The following CD302 variants were observed in gnomAD, a reference collection of about 807,000 sequenced individuals.
The protein encoded by CD302 is CD302 antigen.
A neutral mutation model predicts 26.5 loss-of-function variants in CD302; 23 were observed. The ratio of observed to expected loss-of-function variants is 0.87; its 90% CI spans 0.62 to 1.23. The LOEUF is 1.23. CD302 is among the 50% of genes most tolerant of loss of function. The pLI, the probability that CD302 is intolerant of heterozygous loss-of-function variation, is 0.00. For synonymous variants in CD302, 90 were observed against 99.4 expected, an observed-to-expected ratio of 0.91 and a Z score of 0.56; for missense variants, 290 against 275.5, an observed-to-expected ratio of 1.05 and a Z score of -0.37.
intron 1 of CD302, among the ~76,000 whole-genome samples, chr2:159,784,972 CTTTT>C (rs35915930): frequency 1.8e-5 from 2 of 111,726 alleles, no homozygotes; most frequent in Non-Finnish European, 1.8e-5. Flanking sequence ...TCCGTACAGA[CTTTT>C]TTTTTTTTTT....
chr2:159,783,087 A>T (rs906787595), intron 2 of CD302, among the ~76,000 whole-genome samples: 2 of 152,258 alleles, frequency 1.3e-5, no homozygotes, highest in African/African-American at 4.8e-5. Context: ...GGTAAAGTAT[A>T]TGAGGTGCTT....
At chr2:159,797,424 A>C (rs2125820430) in intron 1 of CD302, among the ~76,000 whole-genome samples, 1 of 152,334 alleles carries the variant, frequency 6.6e-6, no homozygotes, top group Non-Finnish European at 1.5e-5. Flanking sequence ...TTAAAAATAA[A>C]GACCACGGTC....
chr2:159,775,383 T>C (rs1457653314), intron 5 of CD302, among the ~76,000 whole-genome samples: 1 of 152,246 alleles, frequency 6.6e-6, no homozygotes, highest in Non-Finnish European at 1.5e-5. Flanking sequence ...AACTATTCGT[T>C]TTTGAAGCCA....
At chr2:159,779,316 GT>G (rs1454144356) in intron 4 of CD302, among the ~76,000 whole-genome samples, 1 of 146,224 alleles carries the variant, frequency 6.8e-6, no homozygotes, top group African/African-American at 2.5e-5. Context: ...CTATGATGTA[GT>G]TTTTGTTTGC....
intron 5 of CD302, among the ~76,000 whole-genome samples, chr2:159,775,370 T>C (rs1303511544): frequency 1.3e-5 from 2 of 152,244 alleles, no homozygotes; most frequent in African/African-American, 4.8e-5. Context: ...TGCCAGATCT[T>C]TCAACTATTC....
At chr2:159,776,643 ATAGTTC>A (rs2125795399) in intron 5 of CD302, among the ~76,000 whole-genome samples, 1 of 151,668 alleles carries the variant, frequency 6.6e-6, no homozygotes, top group South Asian at 2.1e-4. Flanking sequence ...CTCCTCTGTC[ATAGTTC>A]TATCGTAGTA....
chr2:159,775,546 A>G (rs1443671863), intron 5 of CD302, among the ~76,000 whole-genome samples: 1 of 152,236 alleles, frequency 6.6e-6, no homozygotes, highest in Non-Finnish European at 1.5e-5. Context: ...TCCATTCCTT[A>G]AAGTTAACTA....
At chr2:159,782,390 G>A (rs1708540278) in intron 2 of CD302, among the ~76,000 whole-genome samples, 1 of 129,268 alleles carries the variant, frequency 7.7e-6, no homozygotes, top group African/African-American at 3.1e-5. Flanking sequence ...TCCAGCCTAG[G>A]CGACAGAGCG....
intron 5 of CD302, among the ~76,000 whole-genome samples, chr2:159,774,843 CCT>C (rs1207395187): frequency 2.0e-5 from 3 of 151,984 alleles, no homozygotes; most frequent in South Asian, 2.1e-4. Flanking sequence ...AGGGGAACTC[CCT>C]GTTTGCCAAG....
At chr2:159,772,101 G>T in intron 5 of CD302, 48 bp from the exon 6 acceptor site, 1 of 1,578,810 alleles carries the variant, frequency 6.3e-7, no homozygotes, top group Non-Finnish European at 8.7e-7. Flanking sequence ...GGGTACACAA[G>T]TTGCAAGTAT....
intron 5 of CD302, among the ~76,000 whole-genome samples, chr2:159,775,366 A>G (rs2125793353): frequency 6.6e-6 from 1 of 152,374 alleles, no homozygotes; most frequent in African/African-American, 2.4e-5. Context: ...ATGTTGCCAG[A>G]TCTTTCAACT....
chr2:159,789,429 T>C (rs1433346377), intron 1 of CD302, among the ~76,000 whole-genome samples: 1 of 152,212 alleles, frequency 6.6e-6, no homozygotes, highest in African/African-American at 2.4e-5. Context: ...AAATTCTCAA[T>C]CTTAGTATTT....
intron 1 of CD302, among the ~76,000 whole-genome samples, chr2:159,791,525 GCTAT>G (rs891052516): frequency 2.6e-5 from 4 of 152,166 alleles, no homozygotes; most frequent in African/African-American, 9.7e-5. Flanking sequence ...TTATATAGCG[GCTAT>G]CTGATATGCA....
rs145527165 is a variant in CD302, at chr2:159,769,981, C to A, written c.*1870G>T. On this transcript the variant is annotated 3_prime_UTR_variant, in exon 6 of 6. Transcript: ENST00000259053. ...TAAACTAAATTTACTTAAATAGCCT[C>A]ATGTGGCTAGTGGCTCATTGGACAT... 1 of 152,178 alleles carries A rather than the reference C, an allele frequency of 6.6e-6. No homozygotes were observed. The highest frequency in any genetic ancestry group is 1.5e-5 in the Non-Finnish European group (1 of 68,036). The allele number at this position is 152,178 out of a possible 1,614,324, so 9.4% of individuals were successfully genotyped here.
chr2:159,785,771 G>C (rs1708649327), intron 1 of CD302, among the ~76,000 whole-genome samples: 1 of 152,142 alleles, frequency 6.6e-6, no homozygotes, highest in African/African-American at 2.4e-5. Flanking sequence ...ATCCTTTGAG[G>C]CTCAGGCCAT....
rs746579440 is a variant in CD302 at position 159,780,969 on chromosome 2, C to T, written c.208G>A (p.Glu70Lys). ...GADMISIHNE[E>K]ENAFILDTLK... is the part of the protein sequence containing the mutation. ...GTATCCAGTATAAAAGCATTTTCTT[C>T]TTCATTATGTATGCTTATCATGTCC... The change falls in exon 3 of 6, where the codon GAA becomes AAA. Residue 70 changes from glutamate to lysine, a missense_variant. Physicochemically the swap from Glu to Lys is moderately conservative, Grantham distance 56 (BLOSUM62 1). Transcript: ENST00000259053. 6.2e-7 allele frequency: 1 copy of T among 1,613,124 alleles called. No homozygotes were observed. Among genetic ancestry groups the T allele is most frequent in the Non-Finnish European group, 8.5e-7 (1 of 1,179,854 alleles).
In CD302 at chr2:159,769,767, A is replaced by G. The variant is rs1574479078; in HGVS notation, c.*2084T>C. 6.6e-6 allele frequency: 1 copy of G among 152,214 alleles called. No homozygotes were observed. The highest frequency in any genetic ancestry group is 1.5e-5 in the Non-Finnish European group (1 of 68,030). 9.4% of individuals were successfully genotyped at this position (152,214 alleles called of 1,614,324 possible). A position where few individuals can be genotyped will look rare whatever the true frequency, so the allele number is the denominator to read the frequency against. ...TTGGAAGAGCTGCCATTAGGTAGAAAGTATCAAAATGTACAAAAGAAAGTT... is the reference window on the plus strand; with the variant it reads ...TTGGAAGAGCTGCCATTAGGTAGAAGGTATCAAAATGTACAAAAGAAAGTT... On this transcript the variant is annotated 3_prime_UTR_variant, in exon 6 of 6. Transcript: ENST00000259053.
chr2:159,776,030 T>TTTTTTTTTTTTTTA (rs55987429), intron 5 of CD302, among the ~76,000 whole-genome samples: 3 of 146,226 alleles, frequency 2.1e-5, no homozygotes, highest in Non-Finnish European at 4.5e-5. Context: ...TTTTTTTTTT[T>TTTTTTTTTTTTTTA]AAAGTAGAGT....
chr2:159,776,459 T>G (rs1263356484), intron 5 of CD302, among the ~76,000 whole-genome samples: 1 of 133,198 alleles, frequency 7.5e-6, no homozygotes, highest in Non-Finnish European at 1.7e-5. Flanking sequence ...TTTAATAATT[T>G]TTTTTGAAGA....
Sources: allele counts gnomAD v4.1 joint callset (sites outside exome capture counted in the v4.1 genomes callset), GRCh38; gene constraint gnomAD v4.1.1; transcripts MANE v1.5; gene names NCBI Gene and HGNC (gene_info 2026-07-23, HGNC 2026-07-21).